ADCK1: variants seen among roughly 807,000 people sequenced by gnomAD.
ADCK1 encodes the protein aarF domain-containing protein kinase 1.
Under a neutral mutation model 52.3 loss-of-function variants are expected in ADCK1, and 41 were observed. The observed-to-expected ratio is 0.78, with a 90% CI of 0.61 to 1.02. The LOEUF (loss-of-function observed/expected upper bound fraction) is 1.02, where lower values mean the gene tolerates loss of function less well. Among genes scored for constraint, ADCK1 ranks in the 50% least tolerant of loss-of-function variants. The pLI, the probability that ADCK1 is intolerant of heterozygous loss-of-function variation, is 0.00. For missense variants in ADCK1, 658 were observed against 679.5 expected (o/e 0.97, Z 0.35); for synonymous variants, 250 against 274.6 (o/e 0.91, Z 0.89).
rs747626746 is a variant in ADCK1, at chr14:77,933,290, T to C, written c.1471T>C (p.Trp491Arg). ...QISFSEAFNL[W>R]QINLHELILR... ...CTCTTTCAGCGAGGCCTTCAACTTA[T>C]GGCAGATCAACCTCCATGAGCTCAT... Residue 491 changes from tryptophan to arginine, a missense_variant, in exon 11 of 11, where the codon TGG becomes CGG. Transcript: ENST00000238561. The C allele has an allele frequency of 1.9e-6, 3 of 1,614,104 alleles. No individual in the cohort carries two copies. Among genetic ancestry groups the C allele is most frequent in the Non-Finnish European group, 1.7e-6 (2 of 1,180,044 alleles).
chr14:77,868,574 A>G (rs1284163218), intron 4 of ADCK1, among the ~76,000 whole-genome samples: 1 of 152,134 alleles, frequency 6.6e-6, no homozygotes, highest in African/African-American at 2.4e-5. Flanking sequence ...TGTGCTCACC[A>G]GTTCACTCTC....
chr14:77,906,780 C>A (rs965879186), intron 6 of ADCK1, among the ~76,000 whole-genome samples: 2 of 152,180 alleles, frequency 1.3e-5, no homozygotes, highest in African/African-American at 4.8e-5. Flanking sequence ...TAGCACTATG[C>A]AAATACCCCC....
intron 4 of ADCK1, among the ~76,000 whole-genome samples, chr14:77,861,322 T>C (rs2082541715): frequency 6.6e-6 from 1 of 152,106 alleles, no homozygotes; most frequent in African/African-American, 2.4e-5. Context: ...CCTTGGAAGA[T>C]GGCATTTGTT....
chr14:77,864,659 G>A lies in ADCK1; in HGVS notation c.423+5380G>A, dbSNP rs796597579. On this transcript the variant is annotated intron_variant, in intron 4 of 10. Transcript: ENST00000238561. ...AATGTGTGTGTGTGTGTGTGTGTGT[G>A]TATGTGTGTTTGTGCATGCATGTTT... Among the ~76,000 whole-genome samples, 83 of 147,790 alleles carry A rather than the reference G, an allele frequency of 5.6e-4. No individual in the cohort carries two copies. The South Asian group carries it at 0.012, about 22-fold the overall frequency.
chr14:77,824,429 TTTCTTTC>T lies in ADCK1; in HGVS notation c.219+1914_219+1920del, dbSNP rs1157180232. ...AAATGTCTTTTCCTTTCTTTCTTTC[TTTCTTTC>T]TTTTTTTTTTTTTTTGAGATGGAGT... On this transcript the variant is annotated intron_variant, in intron 3 of 10. Transcript: ENST00000238561. 9.6e-3 allele frequency among the ~76,000 whole-genome samples: 1,445 copies of T among 150,136 alleles called. 18 individuals carry two copies. The highest frequency in any genetic ancestry group is 0.034 in the African/African-American group (1,390 of 40,592).
chr14:77,886,472 C>T (rs2083149264), intron 4 of ADCK1, among the ~76,000 whole-genome samples: 1 of 152,194 alleles, frequency 6.6e-6, no homozygotes, highest in Non-Finnish European at 1.5e-5. Flanking sequence ...AAGAGCACTT[C>T]TTTGGCCTTT....
rs1211826073 is a variant in ADCK1, at chr14:77,886,998, A to C, written c.424-93A>C. ...TCTCTCTCAAATCTGTCCTGGGGGC[A>C]CTAGGCAGCCCTGACTCTGGCCCAT... On this transcript the variant is annotated intron_variant, in intron 4 of 10. Transcript: ENST00000238561. The C allele has an allele frequency of 5.1e-6, 7 of 1,372,400 alleles. No homozygotes were observed. In the African/African-American group the frequency reaches 8.8e-5, roughly 17 times the overall value. 85.0% of individuals were successfully genotyped at this position (1,372,400 alleles called of 1,614,324 possible).
At chr14:77,845,964 C>G (rs907158476) in intron 3 of ADCK1, among the ~76,000 whole-genome samples, 4 of 152,182 alleles carry the variant, frequency 2.6e-5, no homozygotes, top group Admixed American at 1.3e-4. Context: ...GGTGCTGGAT[C>G]TGTAACTACC....
intron 4 of ADCK1, among the ~76,000 whole-genome samples, chr14:77,862,006 T>C (rs1268268785): frequency 6.6e-6 from 1 of 152,170 alleles, no homozygotes; most frequent in Admixed American, 6.5e-5. Context: ...GCCACATTGC[T>C]AAGGGAGGGC....
At chr14:77,848,927 G>A (rs1048955652) in intron 3 of ADCK1, among the ~76,000 whole-genome samples, 2 of 151,782 alleles carry the variant, frequency 1.3e-5, no homozygotes, top group Non-Finnish European at 2.9e-5. Flanking sequence ...CCAGGTTCAC[G>A]TCATTCTCCT....
chr14:77,816,881 A>AAAATATATATATATATAT (rs150077207), intron 1 of ADCK1, among the ~76,000 whole-genome samples: 6 of 110,028 alleles, frequency 5.5e-5, no homozygotes, highest in Non-Finnish European at 8.0e-5. Flanking sequence ...GTAGATGGTA[A>AAAATATATATATATATAT]ATATATATAT....
chr14:77,817,962 T>C (rs1566632526), intron 1 of ADCK1, among the ~76,000 whole-genome samples: 1 of 151,774 alleles, frequency 6.6e-6, no homozygotes, highest in Non-Finnish European at 1.5e-5. Context: ...ATGGTCTTGA[T>C]CTCCTGACCT....
At chr14:77,929,807 C>T (rs1217037983) in intron 9 of ADCK1, among the ~76,000 whole-genome samples, 1 of 152,174 alleles carries the variant, frequency 6.6e-6, no homozygotes, top group African/African-American at 2.4e-5. Flanking sequence ...GCTGGGACTA[C>T]AGGTGTATGC....
intron 3 of ADCK1, among the ~76,000 whole-genome samples, chr14:77,830,144 CTT>C (rs1314539294): frequency 7.0e-6 from 1 of 142,862 alleles, no homozygotes; most frequent in Non-Finnish European, 1.6e-5. Context: ...ATTAAATTTT[CTT>C]TTTTTTTTTT....
At chr14:77,876,451 AG>A (rs1268709376) in intron 4 of ADCK1, among the ~76,000 whole-genome samples, 3 of 152,186 alleles carry the variant, frequency 2.0e-5, no homozygotes, top group African/African-American at 4.8e-5. Context: ...CCACCTCAAA[AG>A]CCTTGCCTTT....
chr14:77,886,907 AACACACACAC>A (rs59174310), intron 4 of ADCK1, among the ~76,000 whole-genome samples, 174 bp from the exon 5 acceptor site: 6,040 of 123,822 alleles, frequency 0.049, 176 homozygotes, highest in South Asian at 0.15. Context: ...ACTCTGTCTC[AACACACACAC>A]ACACACACAC....
chr14:77,804,619 G>T (rs192929257), intron 1 of ADCK1, among the ~76,000 whole-genome samples: 112 of 152,134 alleles, frequency 7.4e-4, no homozygotes, highest in African/African-American at 2.6e-3. Flanking sequence ...GGTGGTGTTG[G>T]GGTGGGATGG....
At chr14:77,811,639 C>A (rs2081340752) in intron 1 of ADCK1, among the ~76,000 whole-genome samples, 1 of 152,126 alleles carries the variant, frequency 6.6e-6, no homozygotes, top group Non-Finnish European at 1.5e-5. Flanking sequence ...CCTGTCACTA[C>A]AAAATTGATA....
intron 7 of ADCK1, 171 bp downstream of exon 7, chr14:77,908,090 A>G: frequency 1.7e-6 from 1 of 572,704 alleles, no homozygotes; most frequent in Non-Finnish European, 3.1e-6. Context: ...CTTTCAGGTC[A>G]TTTAGGCCAG....
Sources: gnomAD v4.1 joint callset for allele counts (sites outside exome capture counted in the v4.1 genomes callset) on GRCh38, gnomAD v4.1.1 for gene constraint, MANE v1.5 for transcripts, NCBI Gene and HGNC (gene_info 2026-07-23, HGNC 2026-07-21) for gene names.